Variants in FUT8 observed in about 807,000 individuals in gnomAD.
FUT8 encodes fucosyltransferase 8.
Under a neutral mutation model 71.3 loss-of-function variants are expected in FUT8, and 29 were observed. The observed-to-expected ratio is 0.41, with a 90% confidence interval of 0.30 to 0.55. The LOEUF (loss-of-function observed/expected upper bound fraction) is 0.55. FUT8 is among the 20% of genes least tolerant of loss of function. FUT8 has a pLI of 0.34. For synonymous variants in FUT8, 254 were observed against 239.3 expected, an observed-to-expected ratio of 1.06 and a Z score of -0.57; for missense variants, 544 against 702.1, an observed-to-expected ratio of 0.77 and a Z score of 2.55.
At chr14:65,403,266 C>T in the FUT8 span, among the ~76,000 whole-genome samples, 2 of 152,296 alleles carry the variant, frequency 1.3e-5, no homozygotes, top group African/African-American at 2.4e-5. Context: ...ATTATTCCTA[C>T]TTTACAGATA....
At chr14:65,675,497 A>G (rs1271044462) in intron 7 of FUT8, among the ~76,000 whole-genome samples, 1 of 152,198 alleles carries the variant, frequency 6.6e-6, no homozygotes, top group Non-Finnish European at 1.5e-5. Context: ...TCATATTCTC[A>G]GTAGCATGAA....
chr14:65,522,212 G>A (rs1883127472), intron 2 of FUT8, among the ~76,000 whole-genome samples: 1 of 152,094 alleles, frequency 6.6e-6, no homozygotes, highest in East Asian at 1.9e-4. Context: ...CTAGCTTTGT[G>A]ATTTTCTCCC....
chr14:65,431,959 A>G (rs867778495), intron 1 of FUT8, among the ~76,000 whole-genome samples: 1 of 151,886 alleles, frequency 6.6e-6, no homozygotes, highest in African/African-American at 2.4e-5. Flanking sequence ...AGGCCAAAGG[A>G]AAAAAAACAA....
rs536919282 is a variant in FUT8 at position 65,684,503 on chromosome 14, A to G, written c.835+15023A>G. On this transcript the variant is annotated intron_variant, in intron 7 of 10. Transcript: ENST00000673929. ...CATTCTTTAAAAATAGTGGAAAGAA[A>G]TGGTTCCAAAAGCTATATTTTGAAG... Among the ~76,000 whole-genome samples, 16 of 152,358 alleles carry G rather than the reference A, an allele frequency of 1.1e-4. 1 individual carries two copies. In the South Asian group the frequency reaches 3.3e-3, roughly 32 times the overall value.
chr14:65,558,417 A>G (rs1005957436), intron 2 of FUT8, among the ~76,000 whole-genome samples: 1 of 152,158 alleles, frequency 6.6e-6, no homozygotes, highest in African/African-American at 2.4e-5. Flanking sequence ...GTTGACAATA[A>G]TAAATATGAA....
chr14:65,587,229 A>G (rs1010787889), intron 3 of FUT8, among the ~76,000 whole-genome samples: 3 of 152,056 alleles, frequency 2.0e-5, no homozygotes, highest in African/African-American at 7.2e-5. Flanking sequence ...TTACAAAAAT[A>G]GGAAATATTT....
At chr14:65,664,831 G>A (rs982052231) in intron 6 of FUT8, among the ~76,000 whole-genome samples, 2 of 152,088 alleles carry the variant, frequency 1.3e-5, no homozygotes, top group African/African-American at 4.8e-5. Context: ...TTCTGTTCTT[G>A]GAATTACCCG....
In FUT8 at chr14:65,558,219, C is replaced by A. The variant is rs577059366; in HGVS notation, c.-227-3118C>A. On this transcript the variant is annotated intron_variant, in intron 2 of 10. Transcript: ENST00000673929. ...CCACAGCAGACACCTGTAGTCTCAG[C>A]TACTCGGGAGGCTGAGACAAGAGAA... is the stretch of plus-strand genomic sequence containing the variant. Among the ~76,000 whole-genome samples, 142 of 151,278 alleles carry A rather than the reference C, an allele frequency of 9.4e-4. 8 individuals carry two copies. In the South Asian group the frequency reaches 0.028, roughly 30 times the overall value.
rs1886656268 is a variant in FUT8 at position 65,574,563 on chromosome 14, A to C, written c.203+12797A>C. On this transcript the variant is annotated intron_variant, in intron 3 of 10. Coordinates refer to ENST00000673929, the MANE Select transcript of FUT8 (RefSeq NM_001371533.1). This position sits in a 1 kb window ranked among gnomAD's most constrained non-coding sequence, Gnocchi z 5.2. ...GCCTCACACCACATAGTAAGTGCTA[A>C]AACCAGCAAGAGCTCAAAGAGTCTG... Among the ~76,000 whole-genome samples the C allele has an allele frequency of 6.6e-6, 1 of 152,234 alleles. No individual in the cohort carries two copies. Among genetic ancestry groups the C allele is most frequent in the Non-Finnish European group, 1.5e-5 (1 of 68,044 alleles).
chr14:65,741,850 A>G (rs1043878384), intron 10 of FUT8, among the ~76,000 whole-genome samples: 7 of 151,998 alleles, frequency 4.6e-5, no homozygotes, highest in Admixed American at 4.6e-4. Context: ...ATAGAGATAG[A>G]GAGATTTTAA....
chr14:65,540,871 T>C (rs1373548390), intron 2 of FUT8, among the ~76,000 whole-genome samples: 1 of 152,208 alleles, frequency 6.6e-6, no homozygotes, highest in Non-Finnish European at 1.5e-5. Flanking sequence ...TGTGAAACTT[T>C]GGAAAAAAGG....
chr14:65,552,639 C>G (rs1459673003), intron 2 of FUT8, among the ~76,000 whole-genome samples: 1 of 152,168 alleles, frequency 6.6e-6, no homozygotes, highest in East Asian at 1.9e-4. Context: ...AGCTCATTGT[C>G]ATTTCTTTTA....
chr14:65,420,251 C>G (rs1566735799), intron 1 of FUT8, among the ~76,000 whole-genome samples: 1 of 151,990 alleles, frequency 6.6e-6, no homozygotes, highest in African/African-American at 2.4e-5. Flanking sequence ...GACTAGATAA[C>G]AAAGAAAAGA....
At chr14:65,397,637 C>G in the FUT8 span, among the ~76,000 whole-genome samples, 1 of 152,210 alleles carries the variant, frequency 6.6e-6, no homozygotes. This position sits in a 1 kb window ranked among gnomAD's most constrained non-coding sequence, Gnocchi z 4.2. Context: ...CACGCCTGCC[C>G]TGTGATGGGA....
intron 2 of FUT8, among the ~76,000 whole-genome samples, chr14:65,471,650 A>G (rs12434585): frequency 0.13 from 18,995 of 151,746 alleles, 1,553 homozygotes; most frequent in East Asian, 0.39. Context: ...GTGATTCTCT[A>G]TCTGCCTGTC....
chr14:65,469,985 G>T (rs2066113206), intron 2 of FUT8, among the ~76,000 whole-genome samples: 2 of 152,212 alleles, frequency 1.3e-5, no homozygotes, highest in South Asian at 4.1e-4. Flanking sequence ...GGTCTATCTG[G>T]GGACGTGCCC....
At chr14:65,698,599 G>A (rs1001516008) in intron 7 of FUT8, among the ~76,000 whole-genome samples, 1 of 152,142 alleles carries the variant, frequency 6.6e-6, no homozygotes, top group Non-Finnish European at 1.5e-5. Flanking sequence ...TAGAACCTGA[G>A]TAATATTAAC....
chr14:65,714,464 G>T (rs893148931), intron 7 of FUT8, among the ~76,000 whole-genome samples: 18 of 141,950 alleles, frequency 1.3e-4, no homozygotes, highest in Admixed American at 3.5e-4. Context: ...TATTTATTTA[G>T]TAGCCACAGA....
intron 1 of FUT8, among the ~76,000 whole-genome samples, chr14:65,432,899 A>T (rs1382856131): frequency 6.6e-6 from 1 of 152,126 alleles, no homozygotes; most frequent in Admixed American, 6.5e-5. Flanking sequence ...AGCCCCCGAG[A>T]CTGCTCTGCC....
Sources: gnomAD v4.1 joint callset for allele counts (sites outside exome capture counted in the v4.1 genomes callset) on GRCh38, gnomAD v4.1.1 for gene constraint, Gnocchi (gnomAD v3.1) non-coding constraint, MANE v1.5 for transcripts, NCBI Gene and HGNC (gene_info 2026-07-23, HGNC 2026-07-21) for gene names.